CHN2: variants seen among roughly 807,000 people sequenced by gnomAD.
The protein encoded by CHN2 is beta-chimaerin.
Under a neutral mutation model 56.3 loss-of-function variants are expected in CHN2, and 35 were observed. The ratio of observed to expected loss-of-function variants is 0.62; its 90% CI spans 0.47 to 0.82. The LOEUF is 0.82. Among genes scored for constraint, CHN2 ranks in the 40% least tolerant of loss-of-function variants. The pLI is 0.00. For synonymous variants in CHN2, 210 were observed against 212.8 expected (o/e 0.99, Z 0.12); for missense variants, 491 against 580.5 (o/e 0.85, Z 1.58).
At chr7:29,198,457 A>G (rs1275970664) in intron 1 of CHN2, among the ~76,000 whole-genome samples, 1 of 152,206 alleles carries the variant, frequency 6.6e-6, no homozygotes, top group Admixed American at 6.5e-5. Flanking sequence ...AATTAATTTA[A>G]AAATACATTT....
chr7:29,448,867 C>A (rs1311451417), intron 6 of CHN2, among the ~76,000 whole-genome samples: 2 of 152,176 alleles, frequency 1.3e-5, no homozygotes, highest in African/African-American at 4.8e-5. Flanking sequence ...CTTCTGTTAT[C>A]CCCAACCAGA....
At chr7:29,312,577 G>T (rs1203156188) in intron 1 of CHN2, among the ~76,000 whole-genome samples, 1 of 152,160 alleles carries the variant, frequency 6.6e-6, no homozygotes, top group Non-Finnish European at 1.5e-5. Context: ...TAACACAGCA[G>T]AGATTCAAAA....
At chr7:29,200,446 C>A (rs113322661) in intron 1 of CHN2, among the ~76,000 whole-genome samples, 49 of 142,934 alleles carry the variant, frequency 3.4e-4, no homozygotes, top group African/African-American at 1.3e-3. Flanking sequence ...CCTTCCTTCC[C>A]TCCCTTCGCC....
At chr7:29,406,607 T>A (rs757850739) in intron 6 of CHN2, among the ~76,000 whole-genome samples, 1 of 150,682 alleles carries the variant, frequency 6.6e-6, no homozygotes. Context: ...TGAGAGTTCA[T>A]CACCCTGTGT....
At chr7:29,423,753 C>G (rs1804572098) in intron 6 of CHN2, among the ~76,000 whole-genome samples, 1 of 152,252 alleles carries the variant, frequency 6.6e-6, no homozygotes, top group Non-Finnish European at 1.5e-5. Flanking sequence ...CCTCTCCCCA[C>G]TTCCCCCTGG....
chr7:29,256,523 A>G (rs1789094050), intron 1 of CHN2, among the ~76,000 whole-genome samples: 1 of 152,206 alleles, frequency 6.6e-6, no homozygotes, highest in African/African-American at 2.4e-5. Context: ...GCTTGCCTAT[A>G]GGTGATTTAG....
intron 1 of CHN2, among the ~76,000 whole-genome samples, chr7:29,293,775 C>G (rs1231261027): frequency 6.6e-6 from 1 of 151,782 alleles, no homozygotes; most frequent in Non-Finnish European, 1.5e-5. Context: ...TAGCACATCT[C>G]ATTGTCTCGC....
chr7:29,295,925 C>T (rs1309352748), intron 1 of CHN2, among the ~76,000 whole-genome samples: 1 of 152,160 alleles, frequency 6.6e-6, no homozygotes, highest in East Asian at 1.9e-4. Context: ...AGATGTTGGG[C>T]ATTGGGTCCC....
At chr7:29,415,412 G>C (rs1203658955) in intron 6 of CHN2, among the ~76,000 whole-genome samples, 1 of 152,148 alleles carries the variant, frequency 6.6e-6, no homozygotes, top group Non-Finnish European at 1.5e-5. Context: ...TTTCTGTGCT[G>C]GTACATTTCT....
chr7:29,464,867 A>T (rs576661217), intron 6 of CHN2, among the ~76,000 whole-genome samples: 26 of 152,306 alleles, frequency 1.7e-4, no homozygotes, highest in Admixed American at 1.5e-3. Flanking sequence ...GGAGACGTTC[A>T]CAGGCTGCCC....
chr7:29,176,164 C>T (rs1443799668), intron 2 of CHN2, among the ~76,000 whole-genome samples: 4 of 149,336 alleles, frequency 2.7e-5, no homozygotes, highest in Non-Finnish European at 4.4e-5. Flanking sequence ...CCAGCCTAGG[C>T]GACAGAGCAA....
intron 1 of CHN2, among the ~76,000 whole-genome samples, chr7:29,220,960 T>C (rs995661434): frequency 2.6e-5 from 4 of 152,176 alleles, no homozygotes; most frequent in Admixed American, 6.5e-5. Flanking sequence ...GAATCCATGG[T>C]TGATTTAACA....
At chr7:29,473,479 T>TG (rs1401353753) in intron 6 of CHN2, among the ~76,000 whole-genome samples, 1,561 of 129,030 alleles carry the variant, frequency 0.012, 39 homozygotes, top group African/African-American at 0.042. Flanking sequence ...TGTTTTTTTT[T>TG]TTTTGTGTGT....
intron 3 of CHN2, among the ~76,000 whole-genome samples, chr7:29,374,852 C>CCTCCCTCCCTCCCTTT (rs1315749810): frequency 6.7e-5 from 10 of 149,440 alleles, no homozygotes; most frequent in Admixed American, 2.0e-4. Context: ...TTCCTTCCTG[C>CCTCCCTCCCTCCCTTT]CTCCCTCCCT....
intron 6 of CHN2, among the ~76,000 whole-genome samples, chr7:29,416,693 T>C (rs1261263025): frequency 2.6e-5 from 4 of 152,198 alleles, no homozygotes; most frequent in Non-Finnish European, 5.9e-5. Flanking sequence ...CAGTTAAGTA[T>C]ATAAGGCAAC....
intron 11 of CHN2, among the ~76,000 whole-genome samples, chr7:29,508,643 G>A (rs947364700): frequency 6.6e-5 from 10 of 152,084 alleles, no homozygotes; most frequent in Non-Finnish European, 1.5e-5. Flanking sequence ...ACTCCAGGAG[G>A]AATAGCAGGA....
intron 3 of CHN2, among the ~76,000 whole-genome samples, chr7:29,391,065 C>CCT (rs900271981): frequency 2.0e-5 from 3 of 151,404 alleles, no homozygotes; most frequent in African/African-American, 7.3e-5. Context: ...TTGATCCCAG[C>CCT]CTCTCTCTCT....
At chr7:29,341,633 C>T (rs1797060662) in intron 1 of CHN2, among the ~76,000 whole-genome samples, 1 of 151,994 alleles carries the variant, frequency 6.6e-6, no homozygotes, top group Non-Finnish European at 1.5e-5. Context: ...AGGGGGGCAT[C>T]TCAGTTAGTG....
intron 7 of CHN2, chr7:29,484,085 G>T: frequency 5.8e-5 from 23 of 396,718 alleles, no homozygotes; most frequent in East Asian, 1.6e-4. Flanking sequence ...CTTCTTCATG[G>T]CTTTTTTTCT....
Sources: gnomAD v4.1 joint callset for allele counts (sites outside exome capture counted in the v4.1 genomes callset) on GRCh38, gnomAD v4.1.1 for gene constraint, MANE v1.5 for transcripts, NCBI Gene and HGNC (gene_info 2026-07-23, HGNC 2026-07-21) for gene names.